The following NMD3 variants were observed in gnomAD, a reference collection of about 807,000 sequenced individuals.
NMD3 encodes the protein 60S ribosomal export protein NMD3.
In NMD3, 47 loss-of-function variants were observed where a neutral mutation model predicts 73.1. The observed-to-expected ratio is 0.64, with a 90% CI of 0.51 to 0.82. The LOEUF is 0.82. Among genes scored for constraint, NMD3 ranks in the 40% least tolerant of loss-of-function variants. The pLI, the probability that NMD3 is intolerant of heterozygous loss-of-function variation, is 0.00. For missense variants in NMD3, 554 were observed against 612.5 expected, an observed-to-expected ratio of 0.90 and a Z score of 1.01; for synonymous variants, 210 against 194.5, an observed-to-expected ratio of 1.08 and a Z score of -0.66.
chr3:161,240,342 T>C (rs1174522955), intron 9 of NMD3, among the ~76,000 whole-genome samples: 1 of 152,148 alleles, frequency 6.6e-6, no homozygotes, highest in Non-Finnish European at 1.5e-5. Flanking sequence ...AGAAATGTGT[T>C]CCTTTGAAGT....
chr3:161,225,714 T>C lies in NMD3; in HGVS notation c.179+650T>C, dbSNP rs148874783. Among the ~76,000 whole-genome samples the C allele has an allele frequency of 4.6e-5, 7 of 152,310 alleles. No homozygotes were observed. In the East Asian group the frequency reaches 1.2e-3, roughly 25 times the overall value. ...GTATGCCTGTTATTTCCAAAATGGA[T>C]TAAGACGCTAACTTTTTGAGTGTGT... On this transcript the variant is annotated intron_variant, in intron 3 of 15. Transcript: ENST00000351193.
chr3:161,222,817 G>C (rs1736165012), intron 2 of NMD3: 1 of 152,156 alleles, frequency 6.6e-6, no homozygotes, highest in African/African-American at 2.4e-5. Context: ...TAGCTTTGTG[G>C]CCAAAAGTAA....
At chr3:161,223,358 C>T (rs998922699) in intron 2 of NMD3, among the ~76,000 whole-genome samples, 2 of 152,128 alleles carry the variant, frequency 1.3e-5, no homozygotes, top group Non-Finnish European at 2.9e-5. Flanking sequence ...GGTTCTCAGA[C>T]TTTTTCTGCC....
At chr3:161,240,542 T>TTTTTTTTTTTTTTTA (rs1736931457) in intron 9 of NMD3, among the ~76,000 whole-genome samples, 1 of 149,598 alleles carries the variant, frequency 6.7e-6, no homozygotes, top group African/African-American at 2.5e-5. Flanking sequence ...TTTTTTTTTT[T>TTTTTTTTTTTTTTTA]GAGAGACAGT....
Position 161,238,194 on chromosome 3 carries a change from A to G in NMD3, c.656+3A>G. 1.3e-6 allele frequency: 2 copies of G among 1,579,678 alleles called. No homozygotes were observed. Among genetic ancestry groups the G allele is most frequent in the East Asian group, 2.2e-5 (1 of 44,566 alleles). The stretch of plus-strand genomic sequence containing the variant: ...CTTCAGTGTACAGTTCCCTGTAGGT[A>G]TGTTCTGAACCTTGAATGTGACTAA... On this transcript the variant is annotated splice_donor_region_variant and intron_variant, in intron 8 of 15. Transcript: ENST00000351193.
intron 2 of NMD3, among the ~76,000 whole-genome samples, chr3:161,224,542 A>G (rs1736231989): frequency 6.6e-6 from 1 of 151,878 alleles, no homozygotes; most frequent in Non-Finnish European, 1.5e-5. Flanking sequence ...CCCAGGCTGG[A>G]GTGCAGTGGC....
intron 5 of NMD3, among the ~76,000 whole-genome samples, chr3:161,233,765 A>G (rs1359402324): frequency 1.3e-5 from 2 of 152,214 alleles, no homozygotes; most frequent in African/African-American, 4.8e-5. Context: ...GATCATTGTA[A>G]TGACTCATCA....
At chr3:161,250,057 T>C (rs1167805287) in intron 14 of NMD3, among the ~76,000 whole-genome samples, 199 bp from the exon 15 acceptor site, 1 of 152,172 alleles carries the variant, frequency 6.6e-6, no homozygotes, top group African/African-American at 2.4e-5. Context: ...TAAAACAGTT[T>C]ATTGGATGAT....
intron 15 of NMD3, 53 bp downstream of exon 15, chr3:161,250,379 C>G (rs1737434827): frequency 9.6e-7 from 1 of 1,037,266 alleles, no homozygotes; most frequent in Admixed American, 2.2e-5. Flanking sequence ...AGTATAGTTC[C>G]TAGTATGAAT....
intron 13 of NMD3, among the ~76,000 whole-genome samples, chr3:161,249,030 C>T (rs554553489): frequency 1.3e-5 from 2 of 152,086 alleles, no homozygotes; most frequent in African/African-American, 4.8e-5. Context: ...ATTAAACAAG[C>T]GTTCTAAGAT....
chr3:161,240,373 A>G (rs1736920426), intron 9 of NMD3, among the ~76,000 whole-genome samples: 1 of 152,114 alleles, frequency 6.6e-6, no homozygotes, highest in Non-Finnish European at 1.5e-5. Context: ...ATGGAGATTG[A>G]AAGAAGTCAC....
At position 161,252,111 on chromosome 3, in the gene NMD3, A is replaced by G. The variant is rs1054371222; in HGVS notation, c.*1201A>G. ...ATAGTGGCTTCTTTTCTGTCTGCAT[A>G]TTTTGTTAAAATTGTGGATCTAAAA... On this transcript the variant is annotated 3_prime_UTR_variant, in exon 16 of 16. Coordinates refer to ENST00000351193, the MANE Select transcript of NMD3 (RefSeq NM_015938.5). 1.3e-5 allele frequency: 2 copies of G among 152,058 alleles called. No individual in the cohort carries two copies. The highest frequency in any genetic ancestry group is 2.4e-5 in the African/African-American group (1 of 41,404). The allele number at this position is 152,058 out of a possible 1,614,324, so 9.4% of individuals were successfully genotyped here. A position where few individuals can be genotyped will look rare whatever the true frequency, so the allele number is the denominator to read the frequency against.
At chr3:161,253,025 A>T, downstream of NMD3, 1 of 301,106 alleles carries the variant, frequency 3.3e-6, no homozygotes. Context: ...TGAACCCAGG[A>T]GGCAGAGGTT....
chr3:161,238,704 A>G, intron 8 of NMD3, 26 bp from the exon 9 acceptor site: 1 of 1,062,398 alleles, frequency 9.4e-7, no homozygotes, highest in Admixed American at 1.7e-5. Flanking sequence ...TTGTCTTTAT[A>G]TTACTACTAA....
In NMD3 at chr3:161,221,974, TTTTTTTTTTTTTTTA is replaced by T. The variant is rs779003498; in HGVS notation, c.-20-19_-20-5del. Reference sequence around the variant, plus strand: ...CAACATTCTCTTTTTTTTTTTTTTTTTTTTTTTTTTTTTTAAAAGAACTTAAGGCATACAGAACGA... The same window carrying T: ...CAACATTCTCTTTTTTTTTTTTTTTTAAAGAACTTAAGGCATACAGAACGA... On this transcript the variant is annotated splice_region_variant and splice_polypyrimidine_tract_variant and intron_variant, in intron 1 of 15. Coordinates refer to ENST00000351193, the MANE Select transcript of NMD3 (RefSeq NM_015938.5). 477 of 585,020 alleles carry T rather than the reference TTTTTTTTTTTTTTTA, an allele frequency of 8.2e-4. 2 individuals carry two copies. The highest frequency in any genetic ancestry group is 8.0e-4 in the Non-Finnish European group (361 of 451,594). The allele number at this position is 585,020 out of a possible 1,614,324, so 36.2% of individuals were successfully genotyped here. A position where few individuals can be genotyped will look rare whatever the true frequency, so the allele number is the denominator to read the frequency against.
downstream of NMD3, chr3:161,252,704 G>C (rs1737536921): frequency 1.7e-6 from 1 of 601,346 alleles, no homozygotes; most frequent in Non-Finnish European, 3.0e-6. Context: ...AAATGCACAA[G>C]AACATGATTT....
intron 2 of NMD3, among the ~76,000 whole-genome samples, chr3:161,224,240 C>T (rs1258330958): frequency 2.0e-5 from 3 of 152,128 alleles, no homozygotes; most frequent in African/African-American, 7.2e-5. Flanking sequence ...AATTGAGTTT[C>T]TCAGTTGTAC....
chr3:161,224,789 T>G (rs1576840498), intron 2 of NMD3, 141 bp from the exon 3 acceptor site: 2 of 758,592 alleles, frequency 2.6e-6, no homozygotes. Context: ...CTGGCCCAGG[T>G]TGCTTTGTTT....
At chr3:161,253,222 C>G (rs1711512195), downstream of NMD3, 1 of 153,358 alleles carries the variant, frequency 6.5e-6, no homozygotes, top group African/African-American at 2.4e-5. Context: ...AAGCTCTGAG[C>G]TGTGTGCCAG....
Sources: gnomAD v4.1 joint callset for allele counts (sites outside exome capture counted in the v4.1 genomes callset) on GRCh38, gnomAD v4.1.1 for gene constraint, MANE v1.5 for transcripts, NCBI Gene and HGNC (gene_info 2026-07-23, HGNC 2026-07-21) for gene names.